Variants in PTPRD observed in about 807,000 individuals in gnomAD.
PTPRD encodes the protein protein tyrosine phosphatase receptor type D, also known as receptor-type tyrosine-protein phosphatase delta.
PTPRD carries 34 observed loss-of-function variants against 214.5 expected under a neutral mutation model. The observed-to-expected ratio is 0.16, with a 90% CI of 0.12 to 0.21. The LOEUF (loss-of-function observed/expected upper bound fraction) is 0.21, where lower values mean the gene tolerates loss of function less well. Among genes scored for constraint, PTPRD ranks in the 10% least tolerant of loss-of-function variants. PTPRD has a pLI of 1.00. For missense variants in PTPRD, 2,545 were observed against 2,398.7 expected (o/e 1.06, Z -1.27); for synonymous variants, 1,128 against 845.7 (o/e 1.33, Z -5.79).
At chr9:9,593,195 TG>T (rs1380372599) in intron 7 of PTPRD, among the ~76,000 whole-genome samples, 1 of 125,638 alleles carries the variant, frequency 8.0e-6, no homozygotes, top group Non-Finnish European at 1.8e-5. Flanking sequence ...TTACCAGTTT[TG>T]TTTTTTTTTT....
chr9:9,246,196 G>A (rs1017031539), intron 9 of PTPRD, among the ~76,000 whole-genome samples: 1 of 152,036 alleles, frequency 6.6e-6, no homozygotes, highest in Non-Finnish European at 1.5e-5. Context: ...TTGCAGGTTT[G>A]TTGTCCACCT....
At chr9:10,052,528 T>C (rs1814498486) in intron 3 of PTPRD, among the ~76,000 whole-genome samples, 1 of 152,166 alleles carries the variant, frequency 6.6e-6, no homozygotes, top group Admixed American at 6.5e-5. Flanking sequence ...GGAGCACCTA[T>C]TATATTTCAG....
chr9:8,906,910 G>A (rs2098711802), intron 11 of PTPRD, among the ~76,000 whole-genome samples: 1 of 152,032 alleles, frequency 6.6e-6, no homozygotes, highest in African/African-American at 2.4e-5. Flanking sequence ...AGACTTGAGA[G>A]GGCCCAAACT....
chr9:9,581,897 C>T (rs1217188592), intron 7 of PTPRD, among the ~76,000 whole-genome samples: 1 of 152,094 alleles, frequency 6.6e-6, no homozygotes, highest in African/African-American at 2.4e-5. Context: ...CCAGCCACTA[C>T]TATACTATAA....
At chr9:8,499,928 T>C (rs2136863513) in intron 24 of PTPRD, 88 bp from the exon 25 acceptor site, 1 of 1,196,572 alleles carries the variant, frequency 8.4e-7, no homozygotes, top group East Asian at 2.5e-5. Context: ...CTTAGGTTTC[T>C]CTTTCAAAAA....
intron 33 of PTPRD, 25 bp downstream of exon 33, chr9:8,460,386 C>A: frequency 6.2e-7 from 1 of 1,608,780 alleles, no homozygotes; most frequent in East Asian, 2.2e-5. Context: ...TCCAAAATTA[C>A]AACAGAAATA....
chr9:9,983,294 C>T (rs2095605995), intron 4 of PTPRD, among the ~76,000 whole-genome samples: 2 of 152,196 alleles, frequency 1.3e-5, no homozygotes, highest in Non-Finnish European at 2.9e-5. Flanking sequence ...AGTTCCACAG[C>T]ATTTCTGCCA....
intron 3 of PTPRD, among the ~76,000 whole-genome samples, chr9:10,061,210 A>G (rs2097773063): frequency 6.6e-6 from 1 of 151,986 alleles, no homozygotes; most frequent in Non-Finnish European, 1.5e-5. Flanking sequence ...AAAATGCATA[A>G]CAAGTTCAAC....
intron 36 of PTPRD, among the ~76,000 whole-genome samples, 199 bp from the exon 37 acceptor site, chr9:8,389,606 T>G (rs2088684379): frequency 6.6e-6 from 1 of 152,228 alleles, no homozygotes; most frequent in South Asian, 2.1e-4. Flanking sequence ...TGCAAAAAAG[T>G]GTCAGGTCTT....
At chr9:9,986,969 G>A (rs1235554649) in intron 4 of PTPRD, among the ~76,000 whole-genome samples, 1 of 151,858 alleles carries the variant, frequency 6.6e-6, no homozygotes, top group African/African-American at 2.4e-5. Context: ...TTCCTGAACA[G>A]GAATAACTTT....
chr9:9,683,454 G>A (rs2097112244), intron 7 of PTPRD, among the ~76,000 whole-genome samples: 1 of 151,520 alleles, frequency 6.6e-6, no homozygotes, highest in African/African-American at 2.4e-5. Context: ...AATAATCCAG[G>A]AAAAATAAAC....
intron 14 of PTPRD, among the ~76,000 whole-genome samples, chr9:8,544,448 A>T (rs1329350160): frequency 6.7e-6 from 1 of 149,638 alleles, no homozygotes; most frequent in East Asian, 2.0e-4. Context: ...ATTACCTTGC[A>T]GGAAAATAAA....
At chr9:10,210,316 T>A (rs2099509602) in intron 3 of PTPRD, among the ~76,000 whole-genome samples, 1 of 152,062 alleles carries the variant, frequency 6.6e-6, no homozygotes, top group East Asian at 1.9e-4. Context: ...GTCAGAGAGC[T>A]CAGACAAAAG....
chr9:9,515,114 G>A (rs931973161), intron 8 of PTPRD, among the ~76,000 whole-genome samples: 1 of 152,032 alleles, frequency 6.6e-6, no homozygotes, highest in East Asian at 1.9e-4. Context: ...TGATTTTCCA[G>A]TAAGTCTCAA....
chr9:9,445,465 C>T (rs959473791), intron 8 of PTPRD, among the ~76,000 whole-genome samples: 6 of 152,026 alleles, frequency 3.9e-5, no homozygotes, highest in African/African-American at 7.3e-5. Flanking sequence ...AAGAACTGCT[C>T]GGGACTGGAT....
chr9:8,752,780 T>C (rs1412433216), intron 11 of PTPRD, among the ~76,000 whole-genome samples: 1 of 151,996 alleles, frequency 6.6e-6, no homozygotes, highest in African/African-American at 2.4e-5. Flanking sequence ...GTAAGTCCAA[T>C]CATGATCATC....
At chr9:10,282,853 A>G (rs1320008892) in intron 3 of PTPRD, among the ~76,000 whole-genome samples, 2 of 152,146 alleles carry the variant, frequency 1.3e-5, no homozygotes, top group Admixed American at 6.6e-5. Context: ...CAGGCAAAGC[A>G]TACCCTGATA....
At chr9:9,355,254 A>G (rs1490596593) in intron 9 of PTPRD, among the ~76,000 whole-genome samples, 1 of 151,672 alleles carries the variant, frequency 6.6e-6, no homozygotes, top group East Asian at 1.9e-4. Flanking sequence ...AAATAATTAT[A>G]TATTATCAAC....
chr9:8,543,074 T>G (rs1438691260), intron 14 of PTPRD, among the ~76,000 whole-genome samples: 1 of 152,188 alleles, frequency 6.6e-6, no homozygotes, highest in Non-Finnish European at 1.5e-5. Context: ...AGAATCTCCT[T>G]ATAGATAACT....
Sources: gnomAD v4.1 joint callset for allele counts (sites outside exome capture counted in the v4.1 genomes callset) on GRCh38, gnomAD v4.1.1 for gene constraint, MANE v1.5 for transcripts, NCBI Gene and HGNC (gene_info 2026-07-23, HGNC 2026-07-21) for gene names.